Variants in ADAM22 observed in about 807,000 individuals in gnomAD.
The protein encoded by ADAM22 is disintegrin and metalloproteinase domain-containing protein 22.
Under a neutral mutation model 144.6 loss-of-function variants are expected in ADAM22, and 65 were observed. The ratio of observed to expected loss-of-function variants is 0.45; its 90% CI spans 0.37 to 0.55. ADAM22 has a LOEUF of 0.55. Ranked by LOEUF, ADAM22 falls within the 20% of genes least tolerant of loss-of-function variation. ADAM22 has a pLI of 0.00. For synonymous variants in ADAM22, 391 were observed against 412.6 expected, an observed-to-expected ratio of 0.95 and a Z score of 0.63; for missense variants, 974 against 1,184.9, an observed-to-expected ratio of 0.82 and a Z score of 2.61.
intron 2 of ADAM22, among the ~76,000 whole-genome samples, chr7:87,958,011 C>G (rs1164200825): frequency 2.0e-5 from 3 of 152,136 alleles, no homozygotes; most frequent in Admixed American, 6.5e-5. Context: ...TTTTTGATCT[C>G]TTATGATGAT....
intron 26 of ADAM22, 140 bp downstream of exon 26, chr7:88,171,701 C>A: frequency 1.6e-6 from 1 of 628,102 alleles, no homozygotes; most frequent in Non-Finnish European, 2.5e-6. Context: ...TTTTCATTAT[C>A]TTGAGGTAAT....
At chr7:88,039,464 A>AAAAAAAAAAAAAAAAAAATATATATATAT in intron 3 of ADAM22, among the ~76,000 whole-genome samples, 7 of 76,372 alleles carry the variant, frequency 9.2e-5, no homozygotes, top group African/African-American at 2.4e-4. Flanking sequence ...AAAAAAAAAA[A>AAAAAAAAAAAAAAAAAAATATATATATAT]ATATATATAT....
intron 2 of ADAM22, among the ~76,000 whole-genome samples, chr7:87,938,138 T>C (rs1366767076): frequency 6.6e-6 from 1 of 151,948 alleles, no homozygotes; most frequent in African/African-American, 2.4e-5. Flanking sequence ...TGATTTTTTA[T>C]GGCCCTTGTT....
At chr7:88,040,364 TTA>T (rs1802813538) in intron 3 of ADAM22, among the ~76,000 whole-genome samples, 1 of 151,956 alleles carries the variant, frequency 6.6e-6, no homozygotes, top group African/African-American at 2.4e-5. Flanking sequence ...ACTCCTGACC[TTA>T]GGTGATCCAC....
chr7:88,196,573 T>C lies in ADAM22; in HGVS notation c.*82T>C. The C allele has an allele frequency of 7.0e-7, 1 of 1,435,132 alleles. No homozygotes were observed. The highest frequency in any genetic ancestry group is 9.8e-7 in the Non-Finnish European group (1 of 1,019,748). The allele number at this position is 1,435,132 out of a possible 1,614,324, so 88.9% of individuals were successfully genotyped here. ...CCCAGGCTCATGGAATCACTGCAAA[T>C]CTATCTGCTCTTCAGACAATACGAA... On this transcript the variant is annotated 3_prime_UTR_variant, in exon 32 of 32. Transcript: ENST00000413139.
intron 3 of ADAM22, among the ~76,000 whole-genome samples, chr7:88,052,598 C>G (rs1806808722): frequency 6.6e-6 from 1 of 152,074 alleles, no homozygotes; most frequent in South Asian, 2.1e-4. Context: ...TCAAAGTACA[C>G]AGTACACATA....
intron 3 of ADAM22, among the ~76,000 whole-genome samples, chr7:88,053,932 A>T (rs1807405482): frequency 6.6e-6 from 1 of 152,084 alleles, no homozygotes; most frequent in Non-Finnish European, 1.5e-5. Flanking sequence ...GGAGTTCAAG[A>T]TCAGCCTGGC....
intron 2 of ADAM22, among the ~76,000 whole-genome samples, chr7:87,973,425 A>G (rs2129447734): frequency 6.6e-6 from 1 of 152,234 alleles, no homozygotes; most frequent in South Asian, 2.1e-4. Context: ...GATCATTAAA[A>G]AGTCAGGAAA....
intron 4 of ADAM22, among the ~76,000 whole-genome samples, chr7:88,104,193 A>G (rs1303392780): frequency 6.6e-6 from 1 of 152,154 alleles, no homozygotes; most frequent in Non-Finnish European, 1.5e-5. Context: ...TGGAAAAAAT[A>G]CTGTATTGAT....
At chr7:88,098,140 A>T (rs1164592337) in intron 4 of ADAM22, among the ~76,000 whole-genome samples, 1 of 152,212 alleles carries the variant, frequency 6.6e-6, no homozygotes, top group East Asian at 1.9e-4. Context: ...CTATTCTGTT[A>T]CAAATAAGCA....
chr7:88,088,129 G>T (rs1818898663), intron 4 of ADAM22, among the ~76,000 whole-genome samples: 1 of 152,112 alleles, frequency 6.6e-6, no homozygotes, highest in South Asian at 2.1e-4. Flanking sequence ...CTTTTACTCT[G>T]GTGGTAGTAT....
intron 4 of ADAM22, among the ~76,000 whole-genome samples, chr7:88,102,534 A>G (rs547247060): frequency 6.6e-6 from 1 of 152,248 alleles, no homozygotes; most frequent in Admixed American, 6.5e-5. Flanking sequence ...TGGGCATTGG[A>G]ATTTAAAAGC....
At chr7:88,016,529 A>G (rs1585035388) in intron 3 of ADAM22, among the ~76,000 whole-genome samples, 1 of 152,318 alleles carries the variant, frequency 6.6e-6, no homozygotes, top group East Asian at 1.9e-4. Context: ...GTTAAACTTT[A>G]TATATGTCTT....
At chr7:88,113,911 G>A (rs1239431530) in intron 5 of ADAM22, among the ~76,000 whole-genome samples, 2 of 150,882 alleles carry the variant, frequency 1.3e-5, no homozygotes, top group South Asian at 2.1e-4. Context: ...TGGGCAGTTC[G>A]TGGTCCCATC....
At position 87,934,323 on chromosome 7, in the gene ADAM22, A is replaced by C. The variant is rs976243951; in HGVS notation, c.-143A>C. 3.0e-6 allele frequency: 2 copies of C among 677,828 alleles called. No homozygotes were observed. Among genetic ancestry groups the C allele is most frequent in the South Asian group, 2.0e-5 (1 of 48,982 alleles). 42.0% of individuals were successfully genotyped at this position (677,828 alleles called of 1,614,324 possible). A position where few individuals can be genotyped will look rare whatever the true frequency, so the allele number is the denominator to read the frequency against. On this transcript the variant is annotated 5_prime_UTR_variant, in exon 1 of 32. Transcript: ENST00000413139. ...AGCACTGAGCCGCGGTGGAGGTTGC[A>C]GCGCCACGGCCGCCGCAGCACCGGC...
intron 2 of ADAM22, among the ~76,000 whole-genome samples, chr7:87,959,583 A>G (rs953532208): frequency 4.6e-5 from 7 of 152,212 alleles, no homozygotes; most frequent in African/African-American, 1.7e-4. Flanking sequence ...CTACCAGATT[A>G]GAGGACAAGA....
chr7:88,030,642 A>C (rs999607335), intron 3 of ADAM22, among the ~76,000 whole-genome samples: 2 of 152,062 alleles, frequency 1.3e-5, no homozygotes, highest in African/African-American at 4.8e-5. Flanking sequence ...CTTGTGATAG[A>C]GGTCTCATGA....
chr7:88,031,517 C>G (rs552833070), intron 3 of ADAM22, among the ~76,000 whole-genome samples: 1 of 152,350 alleles, frequency 6.6e-6, no homozygotes, highest in South Asian at 2.1e-4. Context: ...TGCCCCTGCT[C>G]TAGGGATCAG....
chr7:88,162,764 C>A (rs1842029366), intron 22 of ADAM22, among the ~76,000 whole-genome samples: 1 of 151,990 alleles, frequency 6.6e-6, no homozygotes, highest in African/African-American at 2.4e-5. Context: ...AAATGATAAA[C>A]CTGTTTCAAT....
Sources: allele counts gnomAD v4.1 joint callset (sites outside exome capture counted in the v4.1 genomes callset), GRCh38; gene constraint gnomAD v4.1.1; transcripts MANE v1.5; gene names NCBI Gene and HGNC (gene_info 2026-07-23, HGNC 2026-07-21).